Variants in SLC26A9 observed in about 807,000 individuals in gnomAD.
SLC26A9 encodes solute carrier family 26 member 9, also known as anion transporter/exchanger protein 9.
SLC26A9 carries 46 observed loss-of-function variants against 87.1 expected under a neutral mutation model. That is an observed-to-expected ratio of 0.53 (90% CI 0.42 to 0.67). The LOEUF is 0.67. SLC26A9 is among the 30% of genes least tolerant of loss of function. The probability of loss-of-function intolerance (pLI) is 0.00; values close to 1 mark genes in which losing one functional copy is unlikely to be tolerated. For synonymous variants in SLC26A9, 437 were observed against 409.1 expected (o/e 1.07, Z -0.82); for missense variants, 927 against 1,018.3 (o/e 0.91, Z 1.22).
chr1:205,922,385 C>T (rs1443253455), intron 16 of SLC26A9, among the ~76,000 whole-genome samples: 1 of 152,228 alleles, frequency 6.6e-6, no homozygotes, highest in Non-Finnish European at 1.5e-5. Flanking sequence ...GAGAGTGATT[C>T]TCCCATCTCG....
rs1312594396 is a variant in SLC26A9, at chr1:205,935,739, CCTT to C, written c.79_81del (p.Lys27del). 2 of 1,613,958 alleles carry C rather than the reference CCTT, an allele frequency of 1.2e-6. No homozygotes were observed. The highest frequency in any genetic ancestry group is 1.3e-5 in the African/African-American group (1 of 74,908). ...TTCTCTCCCACTGGGTATGTCCGGT[CCTT>C]CTTCTCAAACTCATCGTCGAAGAGG... On this transcript the variant is annotated inframe_deletion, in exon 2 of 21. Transcript: ENST00000367135.
intron 1 of SLC26A9, among the ~76,000 whole-genome samples, chr1:205,936,983 C>T (rs1210108013): frequency 2.0e-5 from 3 of 152,150 alleles, no homozygotes; most frequent in Admixed American, 6.5e-5. Flanking sequence ...CTTTTCAAAC[C>T]TCAGATTCTG....
chr1:205,940,327 C>A (rs898982593), intron 1 of SLC26A9, among the ~76,000 whole-genome samples: 1 of 152,158 alleles, frequency 6.6e-6, no homozygotes, highest in African/African-American at 2.4e-5. Context: ...GAGCTCATGC[C>A]AAAGCACGCC....
At chr1:205,932,663 T>G in intron 4 of SLC26A9, 39 bp downstream of exon 4, 1 of 1,494,276 alleles carries the variant, frequency 6.7e-7, no homozygotes, top group Non-Finnish European at 9.0e-7. Context: ...ATCCTTGGGG[T>G]CTGGGTCATC....
In SLC26A9 at chr1:205,929,874, G is replaced by T. The variant is rs376411135; in HGVS notation, c.717+18C>A. ...CTGGAGCCTTGCTCCAATGGCAGGGGTGCATCCCCAGACTCACAAAGACGA... is the reference window on the plus strand; with the variant it reads ...CTGGAGCCTTGCTCCAATGGCAGGGTTGCATCCCCAGACTCACAAAGACGA... On this transcript the variant is annotated intron_variant, in intron 6 of 20. Transcript: ENST00000367135. 2 of 1,574,922 alleles carry T rather than the reference G, an allele frequency of 1.3e-6. No homozygotes were observed. The highest frequency in any genetic ancestry group is 2.3e-5 in the East Asian group (1 of 43,996).
intron 12 of SLC26A9, among the ~76,000 whole-genome samples, chr1:205,925,275 G>A (rs1040780196): frequency 6.6e-6 from 1 of 152,202 alleles, no homozygotes; most frequent in African/African-American, 2.4e-5. Flanking sequence ...CCTGACAGGA[G>A]CTCAGCAGTG....
At chr1:205,921,474 C>A (rs1658823476) in intron 17 of SLC26A9, 92 bp downstream of exon 17, 17 of 1,461,412 alleles carry the variant, frequency 1.2e-5, no homozygotes, top group Non-Finnish European at 1.6e-5. Context: ...CCTCCCTCAG[C>A]TTCCTGAAAT....
intron 1 of SLC26A9, among the ~76,000 whole-genome samples, chr1:205,939,592 C>A (rs909152794): frequency 4.6e-5 from 7 of 152,056 alleles, no homozygotes; most frequent in African/African-American, 1.7e-4. Context: ...TCATCCCCAG[C>A]CAGCCCTTCA....
chr1:205,936,825 G>C (rs1388503979), intron 1 of SLC26A9, among the ~76,000 whole-genome samples: 1 of 152,196 alleles, frequency 6.6e-6, no homozygotes, highest in South Asian at 2.1e-4. Context: ...CTACTTGGGG[G>C]CTAGAGATGC....
At chr1:205,932,476 T>C (rs774784397) in intron 4 of SLC26A9, among the ~76,000 whole-genome samples, 2 of 152,256 alleles carry the variant, frequency 1.3e-5, no homozygotes, top group Non-Finnish European at 2.9e-5. Context: ...CTCTCATTCC[T>C]AGGAGGAAGA....
intron 19 of SLC26A9, among the ~76,000 whole-genome samples, chr1:205,918,623 A>G (rs1658693378): frequency 6.6e-6 from 1 of 152,258 alleles, no homozygotes; most frequent in South Asian, 2.1e-4. Flanking sequence ...TGTAATTATC[A>G]TTTAACCCTA....
intron 20 of SLC26A9, among the ~76,000 whole-genome samples, chr1:205,916,986 G>A (rs1438829630): frequency 3.3e-5 from 5 of 151,758 alleles, no homozygotes; most frequent in Non-Finnish European, 5.9e-5. Context: ...CCAGCTACTC[G>A]GGAGGCTGAG....
At chr1:205,916,637 T>G (rs1444835566) in intron 20 of SLC26A9, among the ~76,000 whole-genome samples, 1 of 152,210 alleles carries the variant, frequency 6.6e-6, no homozygotes, top group Non-Finnish European at 1.5e-5. Context: ...GGACAGGTAT[T>G]ACCTATGTTT....
chr1:205,919,505 C>A (rs1257835796), intron 18 of SLC26A9, among the ~76,000 whole-genome samples: 8 of 152,138 alleles, frequency 5.3e-5, no homozygotes, highest in African/African-American at 1.9e-4. Flanking sequence ...CGTGGCCATG[C>A]GGAGCTTGGG....
chr1:205,941,657 C>A (rs1659751564), intron 1 of SLC26A9, among the ~76,000 whole-genome samples: 1 of 152,148 alleles, frequency 6.6e-6, no homozygotes, highest in Non-Finnish European at 1.5e-5. Flanking sequence ...CCCCAAATCC[C>A]CACTCCTTAT....
At chr1:205,942,551 C>T (rs1011285481) in intron 1 of SLC26A9, among the ~76,000 whole-genome samples, 1 of 152,180 alleles carries the variant, frequency 6.6e-6, no homozygotes, top group Non-Finnish European at 1.5e-5. Flanking sequence ...GCTGGGGACC[C>T]TCTGGGCTGG....
At chr1:205,939,626 AG>A (rs1659655107) in intron 1 of SLC26A9, among the ~76,000 whole-genome samples, 1 of 151,142 alleles carries the variant, frequency 6.6e-6, no homozygotes, top group Admixed American at 6.6e-5. Context: ...GGTGGAGGGA[AG>A]GGGGATGGGA....
intron 7 of SLC26A9, 126 bp downstream of exon 7, chr1:205,929,078 G>A: frequency 6.7e-7 from 1 of 1,481,996 alleles, no homozygotes; most frequent in South Asian, 1.3e-5. Flanking sequence ...CGGGGGATGG[G>A]ATGGATTCAC....
intron 1 of SLC26A9, among the ~76,000 whole-genome samples, chr1:205,942,678 A>G (rs1659800158): frequency 2.0e-5 from 3 of 152,190 alleles, no homozygotes; most frequent in Admixed American, 2.0e-4. Flanking sequence ...TCCTGGCCCA[A>G]GCCCTTCTGT....
Sources: gnomAD v4.1 joint callset for allele counts (sites outside exome capture counted in the v4.1 genomes callset) on GRCh38, gnomAD v4.1.1 for gene constraint, MANE v1.5 for transcripts, NCBI Gene and HGNC (gene_info 2026-07-23, HGNC 2026-07-21) for gene names.